CADPS: variants seen among roughly 807,000 people sequenced by gnomAD.
CADPS encodes calcium-dependent secretion activator 1.
A neutral mutation model predicts 167.3 loss-of-function variants in CADPS; 57 were observed. That is an observed-to-expected ratio of 0.34 (90% CI 0.28 to 0.42). The LOEUF (loss-of-function observed/expected upper bound fraction) is 0.42, where lower values mean the gene tolerates loss of function less well. CADPS is among the 20% of genes least tolerant of loss of function. CADPS has a pLI of 1.00. For missense variants in CADPS, 1,414 were observed against 1,738.1 expected, an observed-to-expected ratio of 0.81 and a Z score of 3.32; for synonymous variants, 676 against 635.3, an observed-to-expected ratio of 1.06 and a Z score of -0.96.
Position 62,491,406 on chromosome 3 carries a change from G to C in CADPS, c.2959C>G (p.Leu987Val). The C allele has an allele frequency of 1.2e-6, 2 of 1,614,122 alleles. No homozygotes were observed. Among genetic ancestry groups the C allele is most frequent in the Non-Finnish European group, 1.7e-6 (2 of 1,179,986 alleles). The change falls in exon 21 of 30, where the codon CTG (leucine) becomes GTG (valine). Residue 987 changes from leucine to valine, a missense_variant. Coordinates refer to ENST00000383710, the MANE Select transcript of CADPS (RefSeq NM_003716.4). ...FAPLVVRYVD[L>V]MESSIAQSIH... is the part of the protein sequence containing the mutation. The stretch of plus-strand genomic sequence containing the variant: ...GATTGTGCAATTGAGGACTCCATCA[G>C]ATCCACATATCTAACAACAAGTGGG...
chr3:62,470,431 T>C (rs534637082), intron 24 of CADPS, among the ~76,000 whole-genome samples: 1 of 152,366 alleles, frequency 6.6e-6, no homozygotes, highest in Admixed American at 6.5e-5. Context: ...GATATTCTTG[T>C]TAAATCTCAT....
At chr3:62,677,592 T>C (rs747611874) in intron 3 of CADPS, among the ~76,000 whole-genome samples, 8 of 152,050 alleles carry the variant, frequency 5.3e-5, no homozygotes, top group Non-Finnish European at 1.2e-4. Flanking sequence ...CAACAAGGAA[T>C]TATCCAGCTT....
In CADPS at chr3:62,585,200, T is replaced by G; in HGVS notation, c.1562A>C (p.Asn521Thr). The G allele has an allele frequency of 6.2e-7, 1 of 1,613,952 alleles. No individual in the cohort carries two copies. Among genetic ancestry groups the G allele is most frequent in the Non-Finnish European group, 8.5e-7 (1 of 1,179,828 alleles). Residue 521 changes from asparagine to threonine, a missense_variant, in exon 8 of 30, where the codon AAC (asparagine) becomes ACC (threonine). By Grantham distance (65) the Asn-to-Thr change is moderately conservative (BLOSUM62 0). Around this residue, in one of 6 missense-constraint regions of CADPS, gnomAD observed 157 missense variants for 229.4 expected, o/e 0.68. Transcript: ENST00000383710. ...KLAVRMDKPQ[N>T]MKHSGYLWAI... is the part of the protein sequence containing the mutation. ...AAACACTTACCCAGAATGCTTCATG[T>G]TTTGAGGCTTATCCATTCGGACAGC...
At position 62,437,359 on chromosome 3, in the gene CADPS, T is replaced by C. The variant is rs566110814; in HGVS notation, c.3777+745A>G. On this transcript the variant is annotated intron_variant, in intron 28 of 29. Transcript: ENST00000383710. ...AGGTTCCTTTTTTTTTTTTTTTTTT[T>C]CTTTTTGCCTCAGTGGCTTGCTTTG... 4.4e-3 allele frequency among the ~76,000 whole-genome samples: 550 copies of C among 124,454 alleles called. 1 individual carries two copies. The highest frequency in any genetic ancestry group is 0.014 in the African/African-American group (466 of 32,238). The allele number at this position is 124,454 out of a possible 152,430, so 81.6% of individuals were successfully genotyped here. A position where few individuals can be genotyped will look rare whatever the true frequency, so the allele number is the denominator to read the frequency against.
At chr3:62,664,489 G>A (rs1007364246) in intron 3 of CADPS, among the ~76,000 whole-genome samples, 1 of 152,212 alleles carries the variant, frequency 6.6e-6, no homozygotes, top group African/African-American at 2.4e-5. Flanking sequence ...GGGAAATACA[G>A]TGTCCTCAGT....
At chr3:62,743,826 C>A (rs976025544) in intron 3 of CADPS, among the ~76,000 whole-genome samples, 4 of 152,158 alleles carry the variant, frequency 2.6e-5, no homozygotes, top group African/African-American at 7.2e-5. Flanking sequence ...TTCAACTAAG[C>A]TTTCTTTTCC....
intron 1 of CADPS, among the ~76,000 whole-genome samples, chr3:62,789,443 T>C (rs911008175): frequency 3.9e-5 from 6 of 152,208 alleles, no homozygotes; most frequent in African/African-American, 1.4e-4. Flanking sequence ...ACTTAAAGCA[T>C]TTTATTGAAA....
chr3:62,583,562 C>A (rs890504896), intron 8 of CADPS, among the ~76,000 whole-genome samples: 2 of 152,114 alleles, frequency 1.3e-5, no homozygotes, highest in African/African-American at 4.8e-5. Flanking sequence ...CTTTTTCACA[C>A]CCCAGGCAGA....
chr3:62,726,641 T>A (rs2076797582), intron 3 of CADPS, among the ~76,000 whole-genome samples: 1 of 151,920 alleles, frequency 6.6e-6, no homozygotes, highest in Non-Finnish European at 1.5e-5. Context: ...GCAGGGGATA[T>A]GCGATAGCTT....
At chr3:62,851,887 T>C (rs2078673154) in intron 1 of CADPS, among the ~76,000 whole-genome samples, 1 of 151,798 alleles carries the variant, frequency 6.6e-6, no homozygotes, top group South Asian at 2.1e-4. Context: ...CTTGGTTCCA[T>C]TCTCCGCATC....
intron 23 of CADPS, among the ~76,000 whole-genome samples, chr3:62,475,394 G>C (rs1227226547): frequency 6.6e-6 from 1 of 151,978 alleles, no homozygotes; most frequent in Non-Finnish European, 1.5e-5. Flanking sequence ...ATTGTTCACT[G>C]TCAAGTTCTG....
chr3:62,858,061 G>A (rs889523207), intron 1 of CADPS, among the ~76,000 whole-genome samples: 1 of 152,128 alleles, frequency 6.6e-6, no homozygotes, highest in Non-Finnish European at 1.5e-5. Flanking sequence ...CTGTTCTAAA[G>A]AGAAATACAG....
chr3:62,733,900 T>C (rs1206695779), intron 3 of CADPS, among the ~76,000 whole-genome samples: 1 of 152,148 alleles, frequency 6.6e-6, no homozygotes, highest in Non-Finnish European at 1.5e-5. Context: ...TGCCTTTGCA[T>C]CCTCACAGCT....
chr3:62,641,875 AT>A (rs1308759296), intron 6 of CADPS, among the ~76,000 whole-genome samples: 1 of 151,936 alleles, frequency 6.6e-6, no homozygotes, highest in Admixed American at 6.6e-5. Flanking sequence ...CACACACACC[AT>A]TTTTTCCAAC....
chr3:62,849,316 G>A (rs1332889213), intron 1 of CADPS, among the ~76,000 whole-genome samples: 1 of 145,432 alleles, frequency 6.9e-6, no homozygotes, highest in Non-Finnish European at 1.5e-5. Context: ...ACACTATGTT[G>A]AATAGGAGTG....
At chr3:62,572,313 G>C (rs1192916606) in intron 8 of CADPS, among the ~76,000 whole-genome samples, 1 of 152,028 alleles carries the variant, frequency 6.6e-6, no homozygotes, top group African/African-American at 2.4e-5. Flanking sequence ...ACCTCCTGGG[G>C]AGTTCCTCAC....
At chr3:62,565,129 C>T (rs1273627342) in intron 9 of CADPS, among the ~76,000 whole-genome samples, 1 of 152,160 alleles carries the variant, frequency 6.6e-6, no homozygotes, top group East Asian at 1.9e-4. Flanking sequence ...CAGTAGTAAT[C>T]AATGTGTTTG....
At position 62,438,063 on chromosome 3, in the gene CADPS, TCTC is replaced by T. The variant is rs779409601; in HGVS notation, c.3777+38_3777+40del. The T allele has an allele frequency of 1.3e-5, 17 of 1,326,258 alleles. No homozygotes were observed. Among genetic ancestry groups the T allele is most frequent in the Non-Finnish European group, 1.7e-5 (16 of 923,206 alleles). 82.2% of individuals were successfully genotyped at this position (1,326,258 alleles called of 1,614,324 possible). A position where few individuals can be genotyped will look rare whatever the true frequency, so the allele number is the denominator to read the frequency against. On this transcript the variant is annotated intron_variant, in intron 28 of 29. Coordinates refer to ENST00000383710, the MANE Select transcript of CADPS (RefSeq NM_003716.4). This position sits in a 1 kb window ranked among gnomAD's most constrained non-coding sequence, Gnocchi z 4.7. ...TCTTATTTTGTCACATTTTGGAGGG[TCTC>T]CTCCTTGGTTTTCAAGGAGGAGAAG...
rs960807970 is a variant in CADPS, at chr3:62,753,637, T to C, written c.692A>G (p.Glu231Gly). The C allele has an allele frequency of 6.2e-7, 1 of 1,614,146 alleles. No individual in the cohort carries two copies. Among genetic ancestry groups the C allele is most frequent in the Non-Finnish European group, 8.5e-7 (1 of 1,180,018 alleles). The part of the protein sequence containing the change: ...SLPEIDGLSK[E>G]TVLSSWMAKF... ...GGCCATCCAGGAGCTCAGCACAGTC[T>C]CCTTGCTGAGGCCGTCAATCTCAGG... is the stretch of plus-strand genomic sequence containing the variant. The change falls in exon 3 of 30, where the codon GAG becomes GGG. Residue 231 changes from glutamate to glycine, a missense_variant. Glu to Gly is a moderately conservative substitution (Grantham distance 98, BLOSUM62 -2). Transcript: ENST00000383710. The surrounding 1 kb of genome is among the most constrained non-coding windows in gnomAD (Gnocchi z 4.6).
Sources: gnomAD v4.1 joint callset for allele counts (sites outside exome capture counted in the v4.1 genomes callset) on GRCh38, gnomAD v4.1.1 for gene constraint, gnomAD v4.1.1 regional missense constraint, Gnocchi (gnomAD v3.1) non-coding constraint, MANE v1.5 for transcripts, NCBI Gene and HGNC (gene_info 2026-07-23, HGNC 2026-07-21) for gene names.